The following CACNA2D3 variants were observed in gnomAD, a reference collection of about 807,000 sequenced individuals.
CACNA2D3 encodes the protein voltage-dependent calcium channel subunit alpha-2/delta-3.
A neutral mutation model predicts 160.6 loss-of-function variants in CACNA2D3; 60 were observed. The ratio of observed to expected loss-of-function variants is 0.37; its 90% confidence interval spans 0.30 to 0.46. The LOEUF (loss-of-function observed/expected upper bound fraction) is 0.46, where lower values mean the gene tolerates loss of function less well. CACNA2D3 is among the 20% of genes least tolerant of loss of function. CACNA2D3 has a pLI of 1.00. For missense variants in CACNA2D3, 1,205 were observed against 1,365.0 expected, an observed-to-expected ratio of 0.88 and a Z score of 1.85; for synonymous variants, 558 against 492.9, an observed-to-expected ratio of 1.13 and a Z score of -1.75.
intron 4 of CACNA2D3, among the ~76,000 whole-genome samples, chr3:54,480,400 G>T (rs1401481404): frequency 6.6e-6 from 1 of 152,056 alleles, no homozygotes; most frequent in Non-Finnish European, 1.5e-5. Context: ...ACACCCCACA[G>T]TCGCAAGTTC....
chr3:54,624,314 G>T (rs1039641238), intron 9 of CACNA2D3, among the ~76,000 whole-genome samples: 1 of 152,188 alleles, frequency 6.6e-6, no homozygotes, highest in African/African-American at 2.4e-5. Flanking sequence ...TAAATGTTGT[G>T]CAGGTTGTTT....
chr3:54,280,698 C>T (rs544669318), intron 2 of CACNA2D3, among the ~76,000 whole-genome samples: 1 of 152,306 alleles, frequency 6.6e-6, no homozygotes, highest in South Asian at 2.1e-4. Context: ...CTTCCCGACT[C>T]TGTTCTCTCT....
intron 2 of CACNA2D3, among the ~76,000 whole-genome samples, chr3:54,200,141 G>A (rs188551752): frequency 7.9e-5 from 12 of 152,332 alleles, no homozygotes; most frequent in African/African-American, 2.9e-4. Flanking sequence ...CACATCAGTG[G>A]CTGAAGTCTG....
chr3:54,622,718 A>C (rs1036616032), intron 9 of CACNA2D3, among the ~76,000 whole-genome samples: 10 of 152,202 alleles, frequency 6.6e-5, no homozygotes, highest in Non-Finnish European at 1.5e-4. Context: ...GAGAAAAATA[A>C]ATCTGTAGTG....
intron 11 of CACNA2D3, among the ~76,000 whole-genome samples, chr3:54,701,807 A>G: frequency 6.6e-6 from 1 of 152,320 alleles, no homozygotes; most frequent in African/African-American, 2.4e-5. Context: ...AAGCCGAAAG[A>G]ATAAAGCCCG....
At chr3:54,884,758 A>G (rs150503710) in intron 21 of CACNA2D3, among the ~76,000 whole-genome samples, 172 of 152,330 alleles carry the variant, frequency 1.1e-3, no homozygotes, top group African/African-American at 4.0e-3. Context: ...TTGCTGCTCA[A>G]AAACAGTTGA....
At chr3:54,371,739 A>T (rs1698929333) in intron 3 of CACNA2D3, among the ~76,000 whole-genome samples, 1 of 152,246 alleles carries the variant, frequency 6.6e-6, no homozygotes, top group African/African-American at 2.4e-5. Context: ...GTCATCAAAC[A>T]TAAAATCAAG....
At chr3:54,972,859 A>G (rs1292308239) in intron 29 of CACNA2D3, among the ~76,000 whole-genome samples, 2 of 152,174 alleles carry the variant, frequency 1.3e-5, no homozygotes, top group East Asian at 3.9e-4. Flanking sequence ...CATTGAGGCA[A>G]CAGTTCACAC....
chr3:54,864,033 C>T (rs1302650195), intron 17 of CACNA2D3, among the ~76,000 whole-genome samples: 1 of 152,066 alleles, frequency 6.6e-6, no homozygotes, highest in Non-Finnish European at 1.5e-5. Context: ...TTTCTCTTGG[C>T]ATAATGTCTA....
chr3:55,074,466 C>G lies in CACNA2D3; in HGVS notation c.*260C>G. 2.1e-6 allele frequency: 1 copy of G among 477,976 alleles called. No individual in the cohort carries two copies. The highest frequency in any genetic ancestry group is 3.7e-5 in the Admixed American group (1 of 27,094). The allele number at this position is 477,976 out of a possible 1,614,324, so 29.6% of individuals were successfully genotyped here. Reference sequence around the variant, plus strand: ...AATCACCCTTCATCAGAAATGGGACCGCAAGTGGTAGGCAGTGTCCCTTCT... The same window carrying G: ...AATCACCCTTCATCAGAAATGGGACGGCAAGTGGTAGGCAGTGTCCCTTCT... On this transcript the variant is annotated 3_prime_UTR_variant, in exon 38 of 38. Coordinates refer to ENST00000474759, the MANE Select transcript of CACNA2D3 (RefSeq NM_018398.3).
At chr3:54,908,064 G>C (rs981607677) in intron 27 of CACNA2D3, among the ~76,000 whole-genome samples, 1 of 152,144 alleles carries the variant, frequency 6.6e-6, no homozygotes, top group Non-Finnish European at 1.5e-5. Flanking sequence ...AGTCTCTTGG[G>C]TACATACCTA....
At chr3:54,428,556 A>C (rs1699942332) in intron 4 of CACNA2D3, among the ~76,000 whole-genome samples, 1 of 152,188 alleles carries the variant, frequency 6.6e-6, no homozygotes, top group Admixed American at 6.5e-5. Flanking sequence ...CCAGAGTTAA[A>C]AAATCTGGAA....
chr3:54,878,997 ACTTTT>A lies in CACNA2D3; in HGVS notation c.1711-15_1711-11del, dbSNP rs758666588. 3.3e-6 allele frequency: 5 copies of A among 1,533,642 alleles called. No homozygotes were observed. The East Asian group carries it at 6.8e-5, about 21-fold the overall frequency. Reference sequence around the variant, plus strand: ...TGATAACCCAGGGAAGAACTAACACACTTTTCTTTTATCATTTTAGTTGAGAAATG... The same window carrying A: ...TGATAACCCAGGGAAGAACTAACACACTTTTATCATTTTAGTTGAGAAATG... On this transcript the variant is annotated splice_polypyrimidine_tract_variant and intron_variant, in intron 18 of 37. Coordinates refer to ENST00000474759, the MANE Select transcript of CACNA2D3 (RefSeq NM_018398.3).
chr3:54,723,478 A>G (rs1015784383), intron 11 of CACNA2D3, among the ~76,000 whole-genome samples: 4 of 152,140 alleles, frequency 2.6e-5, no homozygotes, highest in Admixed American at 2.6e-4. Flanking sequence ...GTCTGCCCAA[A>G]TGGCTACCCA....
intron 9 of CACNA2D3, among the ~76,000 whole-genome samples, chr3:54,586,577 T>G (rs1256709622): frequency 1.3e-5 from 2 of 152,182 alleles, no homozygotes; most frequent in Non-Finnish European, 2.9e-5. Context: ...ACAATTATAG[T>G]TGGGACTTGT....
chr3:54,454,343 AC>A (rs1479729552), intron 4 of CACNA2D3, among the ~76,000 whole-genome samples: 1 of 151,394 alleles, frequency 6.6e-6, no homozygotes, highest in Non-Finnish European at 1.5e-5. Flanking sequence ...TCCCTCCCTC[AC>A]CCCCAAAAGT....
At chr3:54,646,275 G>T (rs1699649618) in intron 11 of CACNA2D3, among the ~76,000 whole-genome samples, 2 of 148,508 alleles carry the variant, frequency 1.3e-5, no homozygotes, top group African/African-American at 5.0e-5. Flanking sequence ...TTTAAGTTCT[G>T]GGATATATGT....
At chr3:54,646,545 A>C (rs779285529) in intron 11 of CACNA2D3, among the ~76,000 whole-genome samples, 1 of 151,594 alleles carries the variant, frequency 6.6e-6, no homozygotes, top group Non-Finnish European at 1.5e-5. Context: ...ATGGCTTCCA[A>C]CTCTAACCAT....
intron 3 of CACNA2D3, among the ~76,000 whole-genome samples, chr3:54,365,322 G>A (rs1698810230): frequency 6.6e-6 from 1 of 152,170 alleles, no homozygotes; most frequent in Admixed American, 6.5e-5. Context: ...CAGCAGATAA[G>A]ATGTGTCTAT....
Sources: gnomAD v4.1 joint callset for allele counts (sites outside exome capture counted in the v4.1 genomes callset) on GRCh38, gnomAD v4.1.1 for gene constraint, MANE v1.5 for transcripts, NCBI Gene and HGNC (gene_info 2026-07-23, HGNC 2026-07-21) for gene names.